BRCA2: variants seen among roughly 807,000 people sequenced by gnomAD.
BRCA2 encodes BRCA2 DNA repair associated.
BRCA2 carries 203 observed loss-of-function variants against 276.7 expected under a neutral mutation model. The observed-to-expected ratio is 0.73, with a 90% confidence interval of 0.65 to 0.82. BRCA2 has a LOEUF of 0.82. Among genes scored for constraint, BRCA2 ranks in the 40% least tolerant of loss-of-function variants. The pLI, the probability that BRCA2 is intolerant of heterozygous loss-of-function variation, is 0.00. For synonymous variants in BRCA2, 1,289 were observed against 1,338.4 expected (o/e 0.96, Z 0.81); for missense variants, 3,920 against 3,915.0 (o/e 1.00, Z -0.03).
chr13:32,326,945 T>C (rs1378239127), intron 7 of BRCA2, among the ~76,000 whole-genome samples: 1 of 152,212 alleles, frequency 6.6e-6, no homozygotes, highest in Non-Finnish European at 1.5e-5. Flanking sequence ...ATTGTGGTAA[T>C]TGGGGCATTA....
In BRCA2 at chr13:32,397,155, A is replaced by G; in HGVS notation, c.9648+111A>G. On this transcript the variant is annotated intron_variant, in intron 26 of 26. Transcript: ENST00000380152. ...AAAATGTAATTAAACTTAATTAGAA[A>G]ATGTGGTTGTTATGTGGCTCCTGTA... 2.4e-6 allele frequency: 3 copies of G among 1,276,290 alleles called. No homozygotes were observed. The South Asian group carries it at 4.0e-5, about 17-fold the overall frequency. 79.1% of individuals were successfully genotyped at this position (1,276,290 alleles called of 1,614,324 possible).
chr13:32,338,894 T>G lies in BRCA2; in HGVS notation c.4539T>G (p.Asp1513Glu), dbSNP rs80358688. The G allele has an allele frequency of 6.2e-7, 1 of 1,613,930 alleles. No individual in the cohort carries two copies. Among genetic ancestry groups the G allele is most frequent in the Non-Finnish European group, 8.5e-7 (1 of 1,179,916 alleles). Residue 1513 changes from aspartate (D) to glutamate (E), a missense_variant, in exon 11 of 27, where the codon GAT (aspartate) becomes GAG (glutamate). By Grantham distance (45) the Asp-to-Glu change is conservative (BLOSUM62 2). Coordinates refer to ENST00000380152, the MANE Select transcript of BRCA2 (RefSeq NM_000059.4). Reference sequence around the variant, plus strand: ...CCTTCCAGGGACAACCCGAACGTGATGAAAAGATCAAAGAACCTACTCTAT... The same window carrying G: ...CCTTCCAGGGACAACCCGAACGTGAGGAAAAGATCAAAGAACCTACTCTAT... ...LVTFQGQPER[D>E]EKIKEPTLLG...
intron 18 of BRCA2, among the ~76,000 whole-genome samples, chr13:32,365,161 A>G (rs1397964544): frequency 2.1e-5 from 2 of 95,358 alleles, no homozygotes; most frequent in African/African-American, 8.7e-5. Flanking sequence ...ACTGTGTTAC[A>G]TAGGCTGGAG....
chr13:32,355,436 G>C (rs1469497310), intron 14 of BRCA2, 148 bp downstream of exon 14: 1 of 921,822 alleles, frequency 1.1e-6, no homozygotes, highest in Non-Finnish European at 1.6e-6. Flanking sequence ...CAAAGATTAG[G>C]TTTAAATTAT....
intron 11 of BRCA2, among the ~76,000 whole-genome samples, chr13:32,343,028 G>A (rs369913566): frequency 1.3e-4 from 19 of 150,196 alleles, no homozygotes; most frequent in East Asian, 3.9e-4. Flanking sequence ...CTGCCTGGGC[G>A]ACAGAGCAAG....
chr13:32,355,734 G>T (rs1317274106), intron 14 of BRCA2, among the ~76,000 whole-genome samples: 2 of 151,388 alleles, frequency 1.3e-5, no homozygotes, highest in Non-Finnish European at 2.9e-5. Flanking sequence ...TAAATAAATA[G>T]CTGAGCGTGG....
rs374326934 is a variant in BRCA2 at position 32,339,986 on chromosome 13, C to G, written c.5631C>G (p.Asn1877Lys). Residue 1877 changes from asparagine to lysine, a missense_variant, in exon 11 of 27, where the codon AAC becomes AAG. Physicochemically the swap from Asn to Lys is moderately conservative, Grantham distance 94. Coordinates refer to ENST00000380152, the MANE Select transcript of BRCA2 (RefSeq NM_000059.4). ...TDSFSKVIKENNENKSKICQT... is the reference protein window; with the variant it reads ...TDSFSKVIKEKNENKSKICQT... ...GTTTCAGTAAAGTAATTAAGGAAAA[C>G]AACGAGAATAAATCAAAAATTTGCC... 1 of 1,611,510 alleles carries G rather than the reference C, an allele frequency of 6.2e-7. No homozygotes were observed. The highest frequency in any genetic ancestry group is 1.3e-5 in the African/African-American group (1 of 74,766).
chr13:32,398,141 A>G (rs2073048647), intron 26 of BRCA2, 21 bp from the exon 27 acceptor site: 5 of 1,595,022 alleles, frequency 3.1e-6, no homozygotes, highest in African/African-American at 1.3e-5. Flanking sequence ...ATGATAGGCT[A>G]CGTTTTCATT....
intron 2 of BRCA2, among the ~76,000 whole-genome samples, chr13:32,317,063 G>T (rs959550033): frequency 2.0e-5 from 3 of 152,140 alleles, no homozygotes; most frequent in Admixed American, 1.3e-4. Flanking sequence ...GCTGCGTGTG[G>T]TGGTGCGTGC....
In BRCA2 at chr13:32,332,987, G is replaced by A. The variant is rs1555281928; in HGVS notation, c.1509G>A (p.Lys503=). The change falls in exon 10 of 27, where the codon AAG becomes AAA. Residue 503 remains lysine, a synonymous_variant. Coordinates refer to ENST00000380152, the MANE Select transcript of BRCA2 (RefSeq NM_000059.4). ...CTTCTTCATTTCAGGGTATCAAAAAGTCTATATTCAGAATAAGAGAATCAC... is the reference window on the plus strand; with the variant it reads ...CTTCTTCATTTCAGGGTATCAAAAAATCTATATTCAGAATAAGAGAATCAC... ...PVASSFQGIK[K]SIFRIRESPK... 6.3e-7 allele frequency: 1 copy of A among 1,594,412 alleles called. No individual in the cohort carries two copies. The highest frequency in any genetic ancestry group is 8.5e-7 in the Non-Finnish European group (1 of 1,175,116).
chr13:32,316,682 C>T (rs1171122377), intron 2 of BRCA2, among the ~76,000 whole-genome samples, 155 bp downstream of exon 2: 1 of 152,128 alleles, frequency 6.6e-6, no homozygotes, highest in Non-Finnish European at 1.5e-5. Flanking sequence ...TCATCGTTTG[C>T]AGGTTAACCA....
intron 21 of BRCA2, among the ~76,000 whole-genome samples, chr13:32,377,558 C>T (rs1390544777): frequency 6.8e-6 from 1 of 146,322 alleles, no homozygotes; most frequent in East Asian, 2.0e-4. Context: ...CCATTGCACT[C>T]CAGCCTAGGC....
At chr13:32,382,448 G>A (rs1361811772) in intron 24 of BRCA2, among the ~76,000 whole-genome samples, 1 of 152,218 alleles carries the variant, frequency 6.6e-6, no homozygotes, top group Admixed American at 6.5e-5. Flanking sequence ...CTGGAGTGAG[G>A]TATGCTGAAA....
In BRCA2 at chr13:32,399,440, T is replaced by C; in HGVS notation, c.*670T>C. 1 of 188,280 alleles carries C rather than the reference T, an allele frequency of 5.3e-6. No homozygotes were observed. Among genetic ancestry groups the C allele is most frequent in the Non-Finnish European group, 1.1e-5 (1 of 89,210 alleles). The allele number at this position is 188,280 out of a possible 1,614,324, so 11.7% of individuals were successfully genotyped here. ...TGAATATGAAGAGTGGTGTTTCCTT[T>C]TGAGCAATTCTTCATCCTTAAGTCA... On this transcript the variant is annotated 3_prime_UTR_variant, in exon 27 of 27. Transcript: ENST00000380152.
intron 18 of BRCA2, among the ~76,000 whole-genome samples, chr13:32,369,712 T>C (rs2072814312): frequency 6.6e-6 from 1 of 152,084 alleles, no homozygotes; most frequent in Non-Finnish European, 1.5e-5. Flanking sequence ...TAGCTGGGAT[T>C]ACAGGCGCCC....
chr13:32,396,775 T>G, intron 25 of BRCA2, 123 bp from the exon 26 acceptor site: 1 of 1,232,604 alleles, frequency 8.1e-7, no homozygotes, highest in Non-Finnish European at 1.2e-6. Flanking sequence ...TGGTATCACA[T>G]TTAGGGTTTT....
intron 18 of BRCA2, among the ~76,000 whole-genome samples, chr13:32,369,297 T>C (rs1233273847): frequency 6.6e-6 from 1 of 152,140 alleles, no homozygotes; most frequent in East Asian, 1.9e-4. Context: ...ACCTGGCTAC[T>C]TGGGATAGGA....
intron 18 of BRCA2, among the ~76,000 whole-genome samples, chr13:32,365,617 A>G (rs937040089): frequency 2.0e-5 from 3 of 150,096 alleles, no homozygotes; most frequent in African/African-American, 7.3e-5. Context: ...ACCTCAGGTG[A>G]TCCACCTGCC....
rs146430937 is a variant in BRCA2 at position 32,363,212 on chromosome 13, G to A, written c.8010G>A (p.Ser2670=). The A allele has an allele frequency of 5.1e-5, 82 of 1,613,642 alleles. 1 individual carries two copies. The highest frequency in any genetic ancestry group is 3.3e-4 in the Middle Eastern group (2 of 6,062). The part of the protein sequence containing the change: ...YDTEIDRSRR[S]AIKKIMERDD... ...CGGAAATTGATAGAAGCAGAAGATCGGCTATAAAAAAGATAATGGAAAGGG... is the reference window on the plus strand; with the variant it reads ...CGGAAATTGATAGAAGCAGAAGATCAGCTATAAAAAAGATAATGGAAAGGG... Residue 2670 remains serine, a synonymous_variant, in exon 18 of 27, where the codon TCG becomes TCA. Transcript: ENST00000380152.
Sources: allele counts gnomAD v4.1 joint callset (sites outside exome capture counted in the v4.1 genomes callset), GRCh38; gene constraint gnomAD v4.1.1; transcripts MANE v1.5; gene names NCBI Gene and HGNC (gene_info 2026-07-23, HGNC 2026-07-21).